Variants in SLC25A12 observed in about 807,000 individuals in gnomAD.
The protein encoded by SLC25A12 is solute carrier family 25 member 12, also known as electrogenic aspartate/glutamate antiporter SLC25A12, mitochondrial.
SLC25A12 carries 32 observed loss-of-function variants against 83.3 expected under a neutral mutation model. That is an observed-to-expected ratio of 0.38 (90% confidence interval 0.29 to 0.52). SLC25A12 has a LOEUF of 0.52. Ranked by LOEUF, SLC25A12 falls within the 20% of genes least tolerant of loss-of-function variation. The pLI is 0.84. For synonymous variants in SLC25A12, 267 were observed against 291.1 expected (o/e 0.92, Z 0.84); for missense variants, 611 against 835.6 (o/e 0.73, Z 3.31).
chr2:171,804,389 G>A (rs1683779418), intron 13 of SLC25A12, among the ~76,000 whole-genome samples: 1 of 152,018 alleles, frequency 6.6e-6, no homozygotes, highest in Non-Finnish European at 1.5e-5. Flanking sequence ...CTCCCAAGTA[G>A]CCAGGATTAA....
At chr2:171,880,548 G>A (rs552994318) in intron 2 of SLC25A12, among the ~76,000 whole-genome samples, 1 of 152,324 alleles carries the variant, frequency 6.6e-6, no homozygotes, top group Non-Finnish European at 1.5e-5. Flanking sequence ...AAAGTGCTGG[G>A]ATTACAGGCA....
intron 13 of SLC25A12, 91 bp from the exon 14 acceptor site, chr2:171,793,858 T>A: frequency 6.9e-7 from 1 of 1,449,956 alleles, no homozygotes; most frequent in Non-Finnish European, 9.7e-7. Context: ...CTCCACATCT[T>A]GCTATCTTGA....
chr2:171,784,942 G>A lies in SLC25A12; in HGVS notation c.*332C>T, dbSNP rs1297169528. 6.5e-6 allele frequency: 2 copies of A among 308,372 alleles called. No homozygotes were observed. Among genetic ancestry groups the A allele is most frequent in the Non-Finnish European group, 1.3e-5 (2 of 157,692 alleles). 19.1% of individuals were successfully genotyped at this position (308,372 alleles called of 1,614,324 possible). A position where few individuals can be genotyped will look rare whatever the true frequency, so the allele number is the denominator to read the frequency against. On this transcript the variant is annotated 3_prime_UTR_variant, in exon 18 of 18. Transcript: ENST00000422440. ...ACATTTCTACAAATGTGATTTGTTGGGATGAGGTGCCAAGATGTCTCTGTA... is the reference window on the plus strand; with the variant it reads ...ACATTTCTACAAATGTGATTTGTTGAGATGAGGTGCCAAGATGTCTCTGTA...
chr2:171,888,672 A>G (rs532546256), intron 2 of SLC25A12, among the ~76,000 whole-genome samples: 9 of 151,510 alleles, frequency 5.9e-5, no homozygotes, highest in Non-Finnish European at 1.3e-4. Flanking sequence ...CAAACTCCTG[A>G]CCTCAAGTGA....
chr2:171,788,023 G>C, intron 15 of SLC25A12, 76 bp from the exon 16 acceptor site: 1 of 1,480,690 alleles, frequency 6.8e-7, no homozygotes, highest in South Asian at 1.2e-5. Context: ...ATCTACTATA[G>C]AGCCTGCAAC....
rs2105832462 is a variant in SLC25A12 at position 171,787,668 on chromosome 2, AAG to A, written c.1745-9_1745-8del. The A allele has an allele frequency of 1.9e-6, 3 of 1,613,862 alleles. No homozygotes were observed. The highest frequency in any genetic ancestry group is 2.5e-6 in the Non-Finnish European group (3 of 1,179,732). On this transcript the variant is annotated splice_polypyrimidine_tract_variant and splice_region_variant and intron_variant, in intron 16 of 17. Coordinates refer to ENST00000422440, the MANE Select transcript of SLC25A12 (RefSeq NM_003705.5). ...GAGGATCGAAACACTCGAGCTGAAAAAGAGAAGCAGGGGCAGGGGAGACTTGA... is the reference window on the plus strand; with the variant it reads ...GAGGATCGAAACACTCGAGCTGAAAAAGAAGCAGGGGCAGGGGAGACTTGA...
intron 15 of SLC25A12, among the ~76,000 whole-genome samples, chr2:171,790,455 T>C (rs940600755): frequency 6.6e-6 from 1 of 152,138 alleles, no homozygotes; most frequent in Non-Finnish European, 1.5e-5. Context: ...ACCTATGAGG[T>C]CAGAAGGAAG....
intron 2 of SLC25A12, among the ~76,000 whole-genome samples, chr2:171,889,100 T>A (rs1685880583): frequency 6.6e-6 from 1 of 152,136 alleles, no homozygotes; most frequent in Non-Finnish European, 1.5e-5. Context: ...CCTTCCTACT[T>A]CAATTGGAGA....
intron 3 of SLC25A12, among the ~76,000 whole-genome samples, chr2:171,856,166 A>T (rs1317967020): frequency 6.6e-6 from 1 of 152,208 alleles, no homozygotes; most frequent in Non-Finnish European, 1.5e-5. Context: ...GGCAATAATC[A>T]ATAGCTCCTA....
chr2:171,838,096 T>G (rs1442639695), intron 5 of SLC25A12, among the ~76,000 whole-genome samples: 1 of 152,192 alleles, frequency 6.6e-6, no homozygotes, highest in African/African-American at 2.4e-5. Flanking sequence ...AACATAACAA[T>G]GGTGCTGCTA....
At chr2:171,850,774 ATAT>A (rs1684911068) in intron 4 of SLC25A12, among the ~76,000 whole-genome samples, 1 of 152,148 alleles carries the variant, frequency 6.6e-6, no homozygotes, top group African/African-American at 2.4e-5. Flanking sequence ...ATAGAACTTC[ATAT>A]TATTGCATGT....
intron 17 of SLC25A12, 129 bp downstream of exon 17, chr2:171,787,442 A>T: frequency 1.2e-6 from 1 of 811,954 alleles, no homozygotes; most frequent in Non-Finnish European, 2.2e-6. Flanking sequence ...TCACTGTTTT[A>T]AATGCATTGG....
chr2:171,793,827 A>G (rs1683539814), intron 13 of SLC25A12, 60 bp from the exon 14 acceptor site: 1 of 1,601,426 alleles, frequency 6.2e-7, no homozygotes, highest in Non-Finnish European at 8.6e-7. Flanking sequence ...GGCAGCGTAA[A>G]AAAGGAAAAT....
At chr2:171,793,896 AG>A (rs1683541664) in intron 13 of SLC25A12, 129 bp from the exon 14 acceptor site, 4 of 1,057,558 alleles carry the variant, frequency 3.8e-6, no homozygotes, top group Admixed American at 3.8e-5. Context: ...TTCCTTCCTC[AG>A]GGGGGAATGA....
At chr2:171,847,363 T>C (rs1425136000) in intron 4 of SLC25A12, among the ~76,000 whole-genome samples, 2 of 152,150 alleles carry the variant, frequency 1.3e-5, no homozygotes, top group African/African-American at 2.4e-5. Flanking sequence ...ATGTGATAAA[T>C]AAAATTATAT....
At chr2:171,815,026 G>C (rs769861809) in intron 10 of SLC25A12, 95 bp downstream of exon 10, 11 of 995,152 alleles carry the variant, frequency 1.1e-5, no homozygotes, top group African/African-American at 4.8e-5. Flanking sequence ...TGACCCATGG[G>C]AACAATGAAC....
intron 4 of SLC25A12, among the ~76,000 whole-genome samples, chr2:171,848,990 G>A (rs1684855899): frequency 6.6e-6 from 1 of 152,250 alleles, no homozygotes; most frequent in Non-Finnish European, 1.5e-5. Flanking sequence ...AGAAGTTTGA[G>A]ACCAGCCTGG....
Position 171,800,698 on chromosome 2 carries a change from A to G in SLC25A12, c.1306-6931T>C, listed in dbSNP as rs74682906. Among the ~76,000 whole-genome samples, 612 of 152,350 alleles carry G rather than the reference A, an allele frequency of 4.0e-3. 4 individuals carry two copies. In the East Asian group the frequency reaches 0.043, roughly 11 times the overall value. ...ACAGCAACCTTATTTGTAACAGACA[A>G]AAACCCAAACATCCATCAAGAGAAA... On this transcript the variant is annotated intron_variant, in intron 13 of 17. Transcript: ENST00000422440.
At position 171,854,364 on chromosome 2, in the gene SLC25A12, C is replaced by T. The variant is rs1463427668; in HGVS notation, c.325+1470G>A. Among the ~76,000 whole-genome samples, 10 of 152,162 alleles carry T rather than the reference C, an allele frequency of 6.6e-5. No individual in the cohort carries two copies. In the East Asian group the frequency reaches 1.2e-3, roughly 18 times the overall value. ...CAGACGGATCATGAGGTCAACTGTT[C>T]GAGACCAGCCTGGCCAACATGGTAA... On this transcript the variant is annotated intron_variant, in intron 4 of 17. Transcript: ENST00000422440.
Sources: gnomAD v4.1 joint callset for allele counts (sites outside exome capture counted in the v4.1 genomes callset) on GRCh38, gnomAD v4.1.1 for gene constraint, MANE v1.5 for transcripts, NCBI Gene and HGNC (gene_info 2026-07-23, HGNC 2026-07-21) for gene names.